The following CTNNA3 variants were observed in gnomAD, a reference collection of about 807,000 sequenced individuals.
CTNNA3 encodes the protein catenin alpha-3.
A neutral mutation model predicts 95.7 loss-of-function variants in CTNNA3; 76 were observed. The observed-to-expected ratio is 0.79, with a 90% CI of 0.66 to 0.96. The LOEUF (loss-of-function observed/expected upper bound fraction) is 0.96. CTNNA3 is among the 40% of genes least tolerant of loss of function. The pLI, the probability that CTNNA3 is intolerant of heterozygous loss-of-function variation, is 0.00. For synonymous variants in CTNNA3, 431 were observed against 374.4 expected (o/e 1.15, Z -1.74); for missense variants, 1,191 against 1,089.8 (o/e 1.09, Z -1.31).
At chr10:65,930,196 C>A (rs569384586) in intron 17 of CTNNA3, among the ~76,000 whole-genome samples, 34 of 80,560 alleles carry the variant, frequency 4.2e-4, no homozygotes, top group Admixed American at 1.0e-3. Context: ...AGTCAGAGCT[C>A]AGTAAAAAAA....
intron 5 of CTNNA3, among the ~76,000 whole-genome samples, chr10:67,380,028 A>C (rs1843873114): frequency 6.7e-6 from 1 of 148,306 alleles, no homozygotes; most frequent in South Asian, 2.1e-4. Context: ...CTCAAAAAAA[A>C]AAAAAAAAAA....
intron 9 of CTNNA3, among the ~76,000 whole-genome samples, chr10:66,649,532 A>G (rs1197078109): frequency 1.3e-5 from 2 of 152,098 alleles, no homozygotes; most frequent in African/African-American, 4.8e-5. Flanking sequence ...TGAGCACCAA[A>G]CTTACTGTGG....
At chr10:67,288,435 A>ATT (rs746540685) in intron 5 of CTNNA3, among the ~76,000 whole-genome samples, 115 of 152,310 alleles carry the variant, frequency 7.6e-4, no homozygotes, top group Middle Eastern at 3.4e-3. Context: ...AACAGAACTT[A>ATT]TTCAGTTTAT....
chr10:67,555,132 G>C (rs1841190389), intron 3 of CTNNA3, among the ~76,000 whole-genome samples: 1 of 152,148 alleles, frequency 6.6e-6, no homozygotes, highest in South Asian at 2.1e-4. Flanking sequence ...TTTGGTACCA[G>C]TACCATGCTG....
intron 5 of CTNNA3, among the ~76,000 whole-genome samples, chr10:67,386,368 A>G (rs975294249): frequency 6.6e-6 from 1 of 152,172 alleles, no homozygotes; most frequent in African/African-American, 2.4e-5. Context: ...CAGACATTAC[A>G]TAACTCACAG....
At chr10:66,484,835 A>T (rs1839670838) in intron 11 of CTNNA3, among the ~76,000 whole-genome samples, 1 of 152,070 alleles carries the variant, frequency 6.6e-6, no homozygotes, top group African/African-American at 2.4e-5. Flanking sequence ...TCCTCAACAA[A>T]ATACTAGTAA....
At chr10:67,214,876 T>C (rs1230829873) in intron 6 of CTNNA3, among the ~76,000 whole-genome samples, 2 of 151,970 alleles carry the variant, frequency 1.3e-5, no homozygotes, top group African/African-American at 4.8e-5. Flanking sequence ...TTTTGGTCTT[T>C]GGCGTTCTTC....
At chr10:66,588,981 A>T (rs1843455947) in intron 10 of CTNNA3, among the ~76,000 whole-genome samples, 1 of 152,150 alleles carries the variant, frequency 6.6e-6, no homozygotes, top group African/African-American at 2.4e-5. Flanking sequence ...TTTAACTCAA[A>T]CAGACTAGTA....
intron 7 of CTNNA3, among the ~76,000 whole-genome samples, chr10:66,845,558 C>G (rs574580043): frequency 6.6e-6 from 1 of 151,222 alleles, no homozygotes; most frequent in Non-Finnish European, 1.5e-5. Flanking sequence ...ACAAAATTAG[C>G]CTGGCGTGGT....
rs1193596548 is a variant in CTNNA3 at position 65,916,881 on chromosome 10, T to A, written c.*3449A>T. 2 of 152,194 alleles carry A rather than the reference T, an allele frequency of 1.3e-5. No homozygotes were observed. The highest frequency in any genetic ancestry group is 2.4e-5 in the African/African-American group (1 of 41,456). 9.4% of individuals were successfully genotyped at this position (152,194 alleles called of 1,614,324 possible). A position where few individuals can be genotyped will look rare whatever the true frequency, so the allele number is the denominator to read the frequency against. The stretch of plus-strand genomic sequence containing the variant: ...GGTTCAGGAAGCCGTTGAAGTCACT[T>A]ACTCTGTTGTTACACATTAGGCTTT... On this transcript the variant is annotated 3_prime_UTR_variant, in exon 18 of 18. Transcript: ENST00000433211.
intron 9 of CTNNA3, among the ~76,000 whole-genome samples, chr10:66,743,974 C>CAAAAAAAA (rs536825430): frequency 1.3e-4 from 6 of 45,046 alleles, no homozygotes; most frequent in Admixed American, 3.0e-4. Flanking sequence ...GATTCCATCT[C>CAAAAAAAA]AAAAAAAAAA....
intron 12 of CTNNA3, among the ~76,000 whole-genome samples, chr10:66,302,507 C>T (rs555582608): frequency 2.0e-5 from 3 of 152,128 alleles, no homozygotes; most frequent in Non-Finnish European, 2.9e-5. Context: ...TGTCACATTT[C>T]GAAAGACACT....
At chr10:66,534,676 T>C (rs1165627248) in intron 10 of CTNNA3, among the ~76,000 whole-genome samples, 3 of 149,954 alleles carry the variant, frequency 2.0e-5, no homozygotes, top group African/African-American at 7.3e-5. Flanking sequence ...GTCAAATTGG[T>C]AATATATAAA....
chr10:66,542,027 C>T (rs1355520622), intron 10 of CTNNA3, among the ~76,000 whole-genome samples: 1 of 151,766 alleles, frequency 6.6e-6, no homozygotes, highest in Non-Finnish European at 1.5e-5. Context: ...ACAAAGAGCT[C>T]AAACAAATTT....
At position 67,257,609 on chromosome 10, in the gene CTNNA3, C is replaced by T. The variant is rs901621713; in HGVS notation, c.580-37739G>A. Among the ~76,000 whole-genome samples the T allele has an allele frequency of 3.9e-5, 6 of 152,262 alleles. No homozygotes were observed. The South Asian group carries it at 1.0e-3, about 26-fold the overall frequency. On this transcript the variant is annotated intron_variant, in intron 5 of 17. Transcript: ENST00000433211. ...TATGCTCCAGTACACTGACTCTGCTCCACAAAACGCAAGTACAAAGTTCTC... is the reference window on the plus strand; with the variant it reads ...TATGCTCCAGTACACTGACTCTGCTTCACAAAACGCAAGTACAAAGTTCTC...
intron 7 of CTNNA3, among the ~76,000 whole-genome samples, chr10:67,027,584 G>A (rs1316527788): frequency 2.0e-5 from 3 of 151,640 alleles, no homozygotes; most frequent in East Asian, 1.9e-4. Flanking sequence ...AAACATGTGC[G>A]CCACCATGCC....
rs567746569 is a variant in CTNNA3 at position 67,150,076 on chromosome 10, G to A, written c.1047+30241C>T. ...GAGTATAGAAAGGTTATAAAAGATC[G>A]ATTTACTTAAGGTCAATTATGCATA... On this transcript the variant is annotated intron_variant, in intron 7 of 17. Coordinates refer to ENST00000433211, the MANE Select transcript of CTNNA3 (RefSeq NM_013266.4). Among the ~76,000 whole-genome samples the A allele has an allele frequency of 4.6e-5, 7 of 152,118 alleles. No homozygotes were observed. The East Asian group carries it at 5.8e-4, about 13-fold the overall frequency.
chr10:66,731,921 G>T (rs768957547), intron 9 of CTNNA3, among the ~76,000 whole-genome samples: 1 of 152,168 alleles, frequency 6.6e-6, no homozygotes, highest in Non-Finnish European at 1.5e-5. Flanking sequence ...GACCTTAAAT[G>T]TAACAGTTTT....
chr10:67,258,862 T>A (rs1398441634), intron 5 of CTNNA3, among the ~76,000 whole-genome samples: 3 of 152,120 alleles, frequency 2.0e-5, no homozygotes, highest in East Asian at 1.9e-4. Flanking sequence ...GGTTCTAGGA[T>A]CCCCACTGAT....
Sources: allele counts gnomAD v4.1 joint callset (sites outside exome capture counted in the v4.1 genomes callset), GRCh38; gene constraint gnomAD v4.1.1; transcripts MANE v1.5; gene names NCBI Gene and HGNC (gene_info 2026-07-23, HGNC 2026-07-21).